Variants in KCNIP4 observed in about 807,000 individuals in gnomAD.
KCNIP4 encodes the protein Kv channel-interacting protein 4.
A neutral mutation model predicts 34.0 loss-of-function variants in KCNIP4; 12 were observed. The observed-to-expected ratio is 0.35, with a 90% CI of 0.23 to 0.57. The LOEUF (loss-of-function observed/expected upper bound fraction) is 0.57, where lower values mean the gene tolerates loss of function less well. Ranked by LOEUF, KCNIP4 falls within the 20% of genes least tolerant of loss-of-function variation. The pLI, the probability that KCNIP4 is intolerant of heterozygous loss-of-function variation, is 0.83. For missense variants in KCNIP4, 238 were observed against 311.7 expected, an observed-to-expected ratio of 0.76 and a Z score of 1.78; for synonymous variants, 124 against 102.2, an observed-to-expected ratio of 1.21 and a Z score of -1.29.
At chr4:20,982,088 G>A (rs1391217540) in intron 1 of KCNIP4, among the ~76,000 whole-genome samples, 2 of 152,118 alleles carry the variant, frequency 1.3e-5, no homozygotes, top group Non-Finnish European at 1.5e-5. Flanking sequence ...AAGCTGAATC[G>A]TTGCCCGGGG....
At chr4:21,733,739 G>A (rs781098834) in intron 1 of KCNIP4, among the ~76,000 whole-genome samples, 5 of 152,108 alleles carry the variant, frequency 3.3e-5, no homozygotes, top group Non-Finnish European at 5.9e-5. Flanking sequence ...TGGGGAGTGG[G>A]GAGGATAACT....
At chr4:21,461,580 T>C (rs1236902362) in intron 1 of KCNIP4, among the ~76,000 whole-genome samples, 2 of 152,042 alleles carry the variant, frequency 1.3e-5, no homozygotes, top group African/African-American at 4.8e-5. Flanking sequence ...TTAGGAAATA[T>C]TGGTTAAATT....
intron 1 of KCNIP4, among the ~76,000 whole-genome samples, chr4:21,864,701 G>A (rs1354021405): frequency 1.3e-5 from 2 of 152,176 alleles, no homozygotes; most frequent in Non-Finnish European, 2.9e-5. Flanking sequence ...CGAGAAAAGG[G>A]TGCCAGGGCT....
chr4:20,926,815 T>C (rs1486108497), intron 1 of KCNIP4, among the ~76,000 whole-genome samples: 1 of 152,172 alleles, frequency 6.6e-6, no homozygotes, highest in Non-Finnish European at 1.5e-5. Flanking sequence ...TATATGGTAT[T>C]TGTGCTTTCA....
chr4:21,477,202 T>A (rs143142734), intron 1 of KCNIP4, among the ~76,000 whole-genome samples: 3 of 152,316 alleles, frequency 2.0e-5, no homozygotes, highest in African/African-American at 7.2e-5. Context: ...GTTTTTCTAT[T>A]CAGGTTTTTT....
At chr4:21,266,386 CA>C (rs1185964562) in intron 1 of KCNIP4, among the ~76,000 whole-genome samples, 4 of 147,584 alleles carry the variant, frequency 2.7e-5, no homozygotes, top group Non-Finnish European at 5.9e-5. Context: ...TCCTTAAAAA[CA>C]AAATGCCAAG....
chr4:21,045,029 A>G (rs940146364), intron 1 of KCNIP4, among the ~76,000 whole-genome samples: 1 of 152,236 alleles, frequency 6.6e-6, no homozygotes, highest in African/African-American at 2.4e-5. Context: ...AGACATCCTC[A>G]TGATTCATTA....
At chr4:21,474,723 G>A (rs1048285557) in intron 1 of KCNIP4, among the ~76,000 whole-genome samples, 1 of 151,898 alleles carries the variant, frequency 6.6e-6, no homozygotes, top group South Asian at 2.1e-4. Context: ...TCGGCCAGGC[G>A]CGGTGGCTCA....
chr4:21,324,510 T>C (rs77458616), intron 1 of KCNIP4, among the ~76,000 whole-genome samples: 2 of 152,052 alleles, frequency 1.3e-5, no homozygotes, highest in South Asian at 4.1e-4. Context: ...AGGCTCTCCT[T>C]TCATCAATGT....
At chr4:21,754,708 A>G (rs961274544) in intron 1 of KCNIP4, among the ~76,000 whole-genome samples, 2 of 152,114 alleles carry the variant, frequency 1.3e-5, no homozygotes. Context: ...TAAACTGTCA[A>G]CTCTAGGATG....
chr4:21,303,783 A>C, intron 1 of KCNIP4: 1 of 1,573,748 alleles, frequency 6.4e-7, no homozygotes, highest in East Asian at 2.2e-5. Flanking sequence ...AATTTTTAGA[A>C]GTCACTAAAA....
chr4:21,937,710 A>G (rs1457958747), intron 1 of KCNIP4, among the ~76,000 whole-genome samples: 1 of 151,990 alleles, frequency 6.6e-6, no homozygotes, highest in African/African-American at 2.4e-5. Context: ...AATGTATGCC[A>G]CCCAACAGTT....
At chr4:20,864,262 ATG>A (rs1349127978) in intron 2 of KCNIP4, among the ~76,000 whole-genome samples, 3 of 151,600 alleles carry the variant, frequency 2.0e-5, no homozygotes, top group South Asian at 2.1e-4. Flanking sequence ...ATGCACACAT[ATG>A]TATGTACACA....
intron 1 of KCNIP4, among the ~76,000 whole-genome samples, chr4:21,643,505 A>G (rs1015741977): frequency 3.3e-5 from 5 of 152,204 alleles, no homozygotes; most frequent in Non-Finnish European, 7.3e-5. Context: ...TTAATTTTAT[A>G]TGTTAACACG....
intron 2 of KCNIP4, among the ~76,000 whole-genome samples, chr4:20,870,080 C>T (rs984624267): frequency 3.3e-5 from 5 of 152,002 alleles, no homozygotes; most frequent in Non-Finnish European, 5.9e-5. Flanking sequence ...TGCCCATTTT[C>T]GATGGGTACA....
intron 1 of KCNIP4, among the ~76,000 whole-genome samples, chr4:21,895,421 A>G (rs1328132573): frequency 6.6e-6 from 1 of 152,180 alleles, no homozygotes; most frequent in East Asian, 1.9e-4. Flanking sequence ...CGTGGTTGAA[A>G]ACATGAGATA....
chr4:21,370,850 T>TACACACACAC lies in KCNIP4; in HGVS notation c.62-488151_62-488142dup, dbSNP rs376590317. Among the ~76,000 whole-genome samples, 61 of 14,844 alleles carry TACACACACAC rather than the reference T, an allele frequency of 4.1e-3. 1 individual carries two copies. The highest frequency in any genetic ancestry group is 4.9e-3 in the Non-Finnish European group (45 of 9,276). 9.7% of individuals were successfully genotyped at this position (14,844 alleles called of 152,430 possible). A position where few individuals can be genotyped will look rare whatever the true frequency, so the allele number is the denominator to read the frequency against. The stretch of plus-strand genomic sequence containing the variant: ...ATATATATATATATATATATATATA[T>TACACACACAC]ACACACACACACACACACACACACA... On this transcript the variant is annotated intron_variant, in intron 1 of 8. Coordinates refer to ENST00000382152, the MANE Select transcript of KCNIP4 (RefSeq NM_025221.6).
At chr4:21,418,192 C>A (rs1181223153) in intron 1 of KCNIP4, among the ~76,000 whole-genome samples, 1 of 152,174 alleles carries the variant, frequency 6.6e-6, no homozygotes, top group Non-Finnish European at 1.5e-5. Flanking sequence ...CTCTCTCTAA[C>A]AGGGACATAA....
At chr4:21,661,830 T>C (rs1333692733) in intron 1 of KCNIP4, among the ~76,000 whole-genome samples, 2 of 152,138 alleles carry the variant, frequency 1.3e-5, no homozygotes, top group Non-Finnish European at 2.9e-5. Context: ...AAAGATAAAA[T>C]ACTAGTGCCA....
Sources: allele counts gnomAD v4.1 joint callset (sites outside exome capture counted in the v4.1 genomes callset), GRCh38; gene constraint gnomAD v4.1.1; transcripts MANE v1.5; gene names NCBI Gene and HGNC (gene_info 2026-07-23, HGNC 2026-07-21).